SETD9: variants seen among roughly 807,000 people sequenced by gnomAD.
SETD9 encodes the protein SET domain containing 9.
In SETD9, 37 loss-of-function variants were observed where a neutral mutation model predicts 36.4. The ratio of observed to expected loss-of-function variants is 1.02; its 90% confidence interval spans 0.78 to 1.34. The LOEUF (loss-of-function observed/expected upper bound fraction) is 1.34, where lower values mean the gene tolerates loss of function less well. SETD9 is among the 40% of genes most tolerant of loss of function. The pLI, the probability that SETD9 is intolerant of heterozygous loss-of-function variation, is 0.00. For missense variants in SETD9, 323 were observed against 353.2 expected, an observed-to-expected ratio of 0.91 and a Z score of 0.69; for synonymous variants, 128 against 132.9, an observed-to-expected ratio of 0.96 and a Z score of 0.26.
chr5:56,913,737 A>G, intron 3 of SETD9, 137 bp from the exon 4 acceptor site: 1 of 588,298 alleles, frequency 1.7e-6, no homozygotes, highest in South Asian at 2.3e-5. Context: ...GTAACAACTC[A>G]GTTGCCCTAC....
chr5:56,909,846 C>G (rs150810813), intron 1 of SETD9, 103 bp downstream of exon 1: 10,856 of 725,238 alleles, frequency 0.015, 89 homozygotes, highest in Non-Finnish European at 0.018. Context: ...GACTGCCGGC[C>G]TGAGATGGGC....
chr5:56,925,557 G>C (rs1304159523), downstream of SETD9: 1 of 212,302 alleles, frequency 4.7e-6, no homozygotes, highest in Non-Finnish European at 9.7e-6. Context: ...CAAAATATAT[G>C]CAAAATCTGT....
upstream of SETD9, chr5:56,909,575 G>A: frequency 3.1e-6 from 4 of 1,290,484 alleles, 1 homozygote; most frequent in South Asian, 4.4e-5. Flanking sequence ...CTCTCCTCCC[G>A]GGCCGGGGCG....
intron 1 of SETD9, 86 bp downstream of exon 1, chr5:56,909,829 T>G (rs1749006868): frequency 1.7e-6 from 2 of 1,170,628 alleles, no homozygotes; most frequent in African/African-American, 3.8e-5. Flanking sequence ...GCGGAGAGCC[T>G]GAGGCTGACT....
chr5:56,922,202 C>T (rs702681), downstream of SETD9: 93,910 of 152,542 alleles, frequency 0.62, 30,528 homozygotes, highest in Non-Finnish European at 0.74. Flanking sequence ...TGAGTGGCAA[C>T]ATCCTAGGCT....
At chr5:56,922,318 A>G (rs905323382), downstream of SETD9, 2 of 152,468 alleles carry the variant, frequency 1.3e-5, no homozygotes, top group African/African-American at 4.8e-5. Flanking sequence ...ACAAAACCCC[A>G]TCTGAGTACC....
At chr5:56,918,534 C>CCGT (rs1749519041), downstream of SETD9, among the ~76,000 whole-genome samples, 1 of 152,214 alleles carries the variant, frequency 6.6e-6, no homozygotes, top group African/African-American at 2.4e-5. Flanking sequence ...ACAGGCTTTT[C>CCGT]CGTCTCCTAA....
chr5:56,909,274 G>C (rs1466001215), upstream of SETD9: 2 of 185,616 alleles, frequency 1.1e-5, no homozygotes, highest in African/African-American at 2.4e-5. Context: ...AGCCGTGACA[G>C]AGAAACTAGG....
intron 5 of SETD9, chr5:56,924,051 A>G: frequency 1.3e-6 from 2 of 1,587,496 alleles, no homozygotes; most frequent in South Asian, 1.2e-5. Context: ...ACCTAATGAA[A>G]AAGTTGAATT....
At chr5:56,916,414 T>A (rs533288736) in intron 5 of SETD9, among the ~76,000 whole-genome samples, 1 of 152,308 alleles carries the variant, frequency 6.6e-6, no homozygotes, top group African/African-American at 2.4e-5. Flanking sequence ...CAATATTTTA[T>A]GATGTCCAGA....
chr5:56,921,515 G>A (rs557794986), downstream of SETD9: 62 of 152,636 alleles, frequency 4.1e-4, no homozygotes, highest in African/African-American at 1.4e-3. Flanking sequence ...GTGCTACTGC[G>A]TAAACACTTC....
chr5:56,924,952 C>A (rs1749889298), intron 5 of SETD9, among the ~76,000 whole-genome samples: 1 of 152,212 alleles, frequency 6.6e-6, no homozygotes, highest in Non-Finnish European at 1.5e-5. Flanking sequence ...AACTATAAGT[C>A]TTCGCAGAGA....
At chr5:56,926,827 T>C (rs1750008065), downstream of SETD9, among the ~76,000 whole-genome samples, 1 of 152,110 alleles carries the variant, frequency 6.6e-6, no homozygotes, top group Non-Finnish European at 1.5e-5. Flanking sequence ...AGGTATCCTC[T>C]AACAGGTAAG....
At chr5:56,920,761 T>C (rs1327193698), downstream of SETD9, 7 of 152,250 alleles carry the variant, frequency 4.6e-5, no homozygotes, top group Non-Finnish European at 5.9e-5. Context: ...ATGGCAGAAG[T>C]AGTCAGAAAA....
chr5:56,910,942 T>C, intron 1 of SETD9: 2 of 338,172 alleles, frequency 5.9e-6, no homozygotes, highest in Non-Finnish European at 1.1e-5. Flanking sequence ...CCACAGCATG[T>C]GGTATAGAAT....
chr5:56,913,090 A>G lies in SETD9; in HGVS notation c.546A>G (p.Val182=), dbSNP rs747785986. Residue 182 remains valine, a synonymous_variant, in exon 3 of 6, where the codon GTA becomes GTG. Coordinates refer to ENST00000285947, the MANE Select transcript of SETD9 (RefSeq NM_153706.4). Reference sequence around the variant, plus strand: ...TTATTTTTAGATGCCTGGATGGGGTACTCATTGATGGGAATGACAAAGGGA... The same window carrying G: ...TTATTTTTAGATGCCTGGATGGGGTGCTCATTGATGGGAATGACAAAGGGA... ...NPFIFRCLDG[V]LIDGNDKGIS... is the part of the protein sequence containing the mutation. 1.2e-6 allele frequency: 2 copies of G among 1,614,056 alleles called. No homozygotes were observed. The highest frequency in any genetic ancestry group is 1.1e-5 in the South Asian group (1 of 91,080).
At chr5:56,917,846 A>G (rs1486634971), downstream of SETD9, among the ~76,000 whole-genome samples, 2 of 151,954 alleles carry the variant, frequency 1.3e-5, no homozygotes. Context: ...CATCGACCTG[A>G]CTCCAGCTCT....
intron 5 of SETD9, among the ~76,000 whole-genome samples, chr5:56,924,820 C>A (rs1483114847): frequency 1.3e-5 from 2 of 152,176 alleles, no homozygotes; most frequent in African/African-American, 4.8e-5. Context: ...TTAATCAGTA[C>A]CCGATAAAGA....
At chr5:56,923,866 T>C (rs1749816701) in intron 5 of SETD9, 4 of 1,614,070 alleles carry the variant, frequency 2.5e-6, no homozygotes, top group Non-Finnish European at 3.4e-6. Flanking sequence ...TTTATGACTA[T>C]ATATTACAGT....
Sources: gnomAD v4.1 joint callset for allele counts (sites outside exome capture counted in the v4.1 genomes callset) on GRCh38, gnomAD v4.1.1 for gene constraint, MANE v1.5 for transcripts, NCBI Gene and HGNC (gene_info 2026-07-23, HGNC 2026-07-21) for gene names.